ATRN: variants seen among roughly 807,000 people sequenced by gnomAD.
ATRN encodes attractin.
In ATRN, 54 loss-of-function variants were observed where a neutral mutation model predicts 178.7. The observed-to-expected ratio is 0.30, with a 90% confidence interval of 0.24 to 0.38. ATRN has a LOEUF of 0.38. Ranked by LOEUF, ATRN falls within the 10% of genes least tolerant of loss-of-function variation. The pLI is 1.00. For missense variants in ATRN, 1,443 were observed against 1,815.1 expected (o/e 0.79, Z 3.73); for synonymous variants, 636 against 663.0 (o/e 0.96, Z 0.63).
At chr20:3,640,792 A>G (rs1274264167) in intron 27 of ATRN, among the ~76,000 whole-genome samples, 11 of 152,240 alleles carry the variant, frequency 7.2e-5, no homozygotes, top group Non-Finnish European at 1.5e-4. Context: ...CAGAGTCTCA[A>G]AGACATATTT....
intron 13 of ATRN, 96 bp downstream of exon 13, chr20:3,576,044 C>G: frequency 7.5e-7 from 1 of 1,326,248 alleles, no homozygotes; most frequent in Non-Finnish European, 9.9e-7. Context: ...CCCAGAGTTA[C>G]TTTTCAAATG....
chr20:3,580,304 T>C (rs2086265379), intron 15 of ATRN, among the ~76,000 whole-genome samples: 1 of 152,242 alleles, frequency 6.6e-6, no homozygotes, highest in Non-Finnish European at 1.5e-5. Context: ...TGGCCACAGA[T>C]ATACTTCTGG....
intron 8 of ATRN, 39 bp downstream of exon 8, chr20:3,560,944 A>T: frequency 6.2e-7 from 1 of 1,603,670 alleles, no homozygotes; most frequent in Non-Finnish European, 8.5e-7. Flanking sequence ...TTTGAACATC[A>T]GATTTAAAAC....
chr20:3,583,082 A>G (rs142813234), intron 16 of ATRN, among the ~76,000 whole-genome samples: 2 of 152,298 alleles, frequency 1.3e-5, no homozygotes, highest in Non-Finnish European at 2.9e-5. Context: ...TGGGAAAGTA[A>G]TTTGTCTGAG....
intron 27 of ATRN, among the ~76,000 whole-genome samples, chr20:3,639,954 C>T (rs1274429810): frequency 6.6e-6 from 1 of 152,024 alleles, no homozygotes; most frequent in Non-Finnish European, 1.5e-5. Context: ...TGTTGAAGTC[C>T]CACAGATCAA....
At chr20:3,537,484 T>G (rs1018985792) in intron 2 of ATRN, among the ~76,000 whole-genome samples, 2 of 137,906 alleles carry the variant, frequency 1.5e-5, no homozygotes, top group Admixed American at 7.1e-5. Context: ...TATATATTTT[T>G]TTCTTGTTTT....
chr20:3,600,926 T>C lies in ATRN; in HGVS notation c.3565-20T>C. The C allele has an allele frequency of 6.3e-7, 1 of 1,591,970 alleles. No individual in the cohort carries two copies. The highest frequency in any genetic ancestry group is 8.6e-7 in the Non-Finnish European group (1 of 1,167,812). On this transcript the variant is annotated intron_variant, in intron 22 of 28. Coordinates refer to ENST00000262919, the MANE Select transcript of ATRN (RefSeq NM_139321.3). Reference sequence around the variant, plus strand: ...GAAATTGTTTTAATTAATTTTCTAATAATTTGTACCGCTCATCAGCAAAAC... The same window carrying C: ...GAAATTGTTTTAATTAATTTTCTAACAATTTGTACCGCTCATCAGCAAAAC...
chr20:3,473,323 G>A (rs1183609566), intron 1 of ATRN, among the ~76,000 whole-genome samples: 2 of 152,144 alleles, frequency 1.3e-5, no homozygotes, highest in African/African-American at 2.4e-5. Context: ...GCGATGTGAA[G>A]TCTGAGGGGT....
chr20:3,527,021 C>A (rs2085374667), intron 1 of ATRN, among the ~76,000 whole-genome samples: 1 of 152,108 alleles, frequency 6.6e-6, no homozygotes, highest in Non-Finnish European at 1.5e-5. Context: ...TAGGTATGGG[C>A]AAAGACTTCA....
chr20:3,569,316 C>G (rs1342465635), intron 11 of ATRN, among the ~76,000 whole-genome samples: 1 of 152,102 alleles, frequency 6.6e-6, no homozygotes. Context: ...CTTGTTGCTC[C>G]TAGCTACAAG....
At chr20:3,472,857 T>C (rs1263741090) in intron 1 of ATRN, among the ~76,000 whole-genome samples, 1 of 152,202 alleles carries the variant, frequency 6.6e-6, no homozygotes, top group African/African-American at 2.4e-5. Context: ...AACAAAGTTG[T>C]GGAGGCTGGA....
intron 19 of ATRN, among the ~76,000 whole-genome samples, chr20:3,592,143 T>C (rs899730262): frequency 1.3e-5 from 2 of 152,226 alleles, no homozygotes; most frequent in African/African-American, 4.8e-5. Flanking sequence ...CTCACGCCTG[T>C]AATCCCAGCA....
Position 3,638,724 on chromosome 20 carries a change from T to G in ATRN, c.3943-104T>G. ...CTAAAAAGTATCATTTTGGACTTGA[T>G]TTGTTTGAATCAGGGAGGATGAGGT... On this transcript the variant is annotated intron_variant, in intron 26 of 28. Transcript: ENST00000262919. This position sits in a 1 kb window ranked among gnomAD's most constrained non-coding sequence, Gnocchi z 4.5. 1 of 905,622 alleles carries G rather than the reference T, an allele frequency of 1.1e-6. No individual in the cohort carries two copies. Among genetic ancestry groups the G allele is most frequent in the Middle Eastern group, 2.2e-4 (1 of 4,506 alleles). 56.1% of individuals were successfully genotyped at this position (905,622 alleles called of 1,614,324 possible). A position where few individuals can be genotyped will look rare whatever the true frequency, so the allele number is the denominator to read the frequency against.
At position 3,583,941 on chromosome 20, in the gene ATRN, G is replaced by A; in HGVS notation, c.2808G>A (p.Arg936=). The stretch of plus-strand genomic sequence containing the variant: ...AGTGCCGGACACCATGTGCCTTGAG[G>A]ACAGCATGTGGAGATTGCACCAGCG... ...AKQCRTPCAL[R]TACGDCTSGS... is the part of the protein sequence containing the mutation. Residue 936 remains arginine, a synonymous_variant, in exon 17 of 29, where the codon AGG becomes AGA. Coordinates refer to ENST00000262919, the MANE Select transcript of ATRN (RefSeq NM_139321.3). 6.2e-7 allele frequency: 1 copy of A among 1,614,240 alleles called. No individual in the cohort carries two copies. Among genetic ancestry groups the A allele is most frequent in the Non-Finnish European group, 8.5e-7 (1 of 1,180,032 alleles).
chr20:3,605,492 CATAG>C (rs940433840), intron 24 of ATRN, among the ~76,000 whole-genome samples: 1 of 152,172 alleles, frequency 6.6e-6, no homozygotes, highest in African/African-American at 2.4e-5. Context: ...GTAGCAAAGA[CATAG>C]AATCAACCTA....
At chr20:3,505,252 C>T (rs917895680) in intron 1 of ATRN, among the ~76,000 whole-genome samples, 2 of 152,238 alleles carry the variant, frequency 1.3e-5, no homozygotes, top group South Asian at 2.1e-4. Flanking sequence ...CACCTGTCTT[C>T]TCCTCTCCTT....
At chr20:3,597,777 C>G (rs375734229) in intron 21 of ATRN, 129 bp from the exon 22 acceptor site, 4 of 565,514 alleles carry the variant, frequency 7.1e-6, no homozygotes, top group Middle Eastern at 4.9e-4. Context: ...CTTTGAGGAA[C>G]CTGGGTACAG....
rs144751505 is a variant in ATRN, at chr20:3,565,351, G to C, written c.1790G>C (p.Cys597Ser). Reference sequence around the variant, plus strand: ...AATATATTTTTCTTTCTCCTAGCCTGTGACCGCTGGTCAGTGCTTCCCAGA... The same window carrying C: ...AATATATTTTTCTTTCTCCTAGCCTCTGACCGCTGGTCAGTGCTTCCCAGA... ...SSDFMAYDIA[C>S]DRWSVLPRPD... Residue 597 changes from cysteine to serine, a missense_variant, in exon 11 of 29, where the codon TGT (cysteine) becomes TCT (serine). Cys to Ser is a moderately radical substitution (Grantham distance 112). Coordinates refer to ENST00000262919, the MANE Select transcript of ATRN (RefSeq NM_139321.3). 1.2e-6 allele frequency: 2 copies of C among 1,613,410 alleles called. No homozygotes were observed. Among genetic ancestry groups the C allele is most frequent in the African/African-American group, 2.7e-5 (2 of 74,876 alleles).
At chr20:3,480,517 G>T (rs2084604330) in intron 1 of ATRN, among the ~76,000 whole-genome samples, 1 of 152,168 alleles carries the variant, frequency 6.6e-6, no homozygotes, top group Non-Finnish European at 1.5e-5. Context: ...GTAGTTTTTG[G>T]TTTGTGAAGT....
Sources: gnomAD v4.1 joint callset for allele counts (sites outside exome capture counted in the v4.1 genomes callset) on GRCh38, gnomAD v4.1.1 for gene constraint, Gnocchi (gnomAD v3.1) non-coding constraint, MANE v1.5 for transcripts, NCBI Gene and HGNC (gene_info 2026-07-23, HGNC 2026-07-21) for gene names.